IPP: variants seen among roughly 807,000 people sequenced by gnomAD.
IPP encodes actin-binding protein IPP.
In IPP, 41 loss-of-function variants were observed where a neutral mutation model predicts 64.1. The ratio of observed to expected loss-of-function variants is 0.64; its 90% confidence interval spans 0.50 to 0.83. The LOEUF is 0.83. Among genes scored for constraint, IPP ranks in the 40% least tolerant of loss-of-function variants. The probability of loss-of-function intolerance (pLI) is 0.00; values close to 1 mark genes in which losing one functional copy is unlikely to be tolerated. For missense variants in IPP, 649 were observed against 703.0 expected (o/e 0.92, Z 0.87); for synonymous variants, 214 against 235.2 (o/e 0.91, Z 0.83).
chr1:45,709,432 C>CAAAAATA (rs1305424184), intron 8 of IPP, among the ~76,000 whole-genome samples: 3 of 66,186 alleles, frequency 4.5e-5, no homozygotes, highest in Non-Finnish European at 7.7e-5. Context: ...GACTCCGTCT[C>CAAAAATA]AAAAAAAAAA....
chr1:45,746,501 T>A, intron 1 of IPP, 40 bp from the exon 2 acceptor site: 1 of 938,738 alleles, frequency 1.1e-6, no homozygotes, highest in Non-Finnish European at 1.6e-6. Context: ...AACAAAATTT[T>A]TTTAACATGC....
chr1:45,727,370 C>T (rs1412093359), intron 5 of IPP, among the ~76,000 whole-genome samples: 1 of 152,104 alleles, frequency 6.6e-6, no homozygotes, highest in African/African-American at 2.4e-5. Flanking sequence ...TAAAACCAAA[C>T]CTAAGTATTC....
At position 45,707,198 on chromosome 1, in the gene IPP, T is replaced by A. The variant is rs943922448; in HGVS notation, c.1531-7008A>T. 3.3e-5 allele frequency among the ~76,000 whole-genome samples: 5 copies of A among 151,962 alleles called. No homozygotes were observed. The East Asian group carries it at 9.7e-4, about 29-fold the overall frequency. ...CAGCACTTTCGGAGGCCGAGGCGGG[T>A]GGATCATGAGGTCAGGAGATCGAGA... On this transcript the variant is annotated intron_variant, in intron 8 of 8. Transcript: ENST00000396478.
chr1:45,739,051 T>C (rs896693981), intron 3 of IPP, among the ~76,000 whole-genome samples: 6 of 152,044 alleles, frequency 3.9e-5, no homozygotes, highest in Admixed American at 1.3e-4. Context: ...ATATCTGTAG[T>C]AAAACAAGAT....
intron 5 of IPP, among the ~76,000 whole-genome samples, chr1:45,725,049 C>A (rs1235583499): frequency 1.4e-5 from 2 of 138,678 alleles, no homozygotes; most frequent in African/African-American, 2.7e-5. Context: ...CCAGCCGCCC[C>A]GTCCGGGAGG....
intron 2 of IPP, among the ~76,000 whole-genome samples, chr1:45,743,730 G>A (rs1446668816): frequency 6.6e-6 from 1 of 151,740 alleles, no homozygotes; most frequent in Non-Finnish European, 1.5e-5. Flanking sequence ...AATAAAAGAG[G>A]CTGGGCACAG....
At chr1:45,696,231 G>T (rs1645386973), downstream of IPP, among the ~76,000 whole-genome samples, 1 of 152,148 alleles carries the variant, frequency 6.6e-6, no homozygotes. Flanking sequence ...TGATTTTTAA[G>T]TACATTTGAT....
chr1:45,724,662 C>A (rs1199451105), intron 5 of IPP, among the ~76,000 whole-genome samples: 1 of 132,120 alleles, frequency 7.6e-6, no homozygotes, highest in East Asian at 2.2e-4. Flanking sequence ...GCGCCTCTGC[C>A]GGGCCGCAAC....
At chr1:45,736,957 G>A (rs1010811657) in intron 3 of IPP, among the ~76,000 whole-genome samples, 3 of 151,140 alleles carry the variant, frequency 2.0e-5, no homozygotes, top group South Asian at 2.1e-4. Context: ...GCAGGAGAAC[G>A]GCATGAACCC....
At chr1:45,745,990 G>T in intron 2 of IPP, 130 bp downstream of exon 2, 1 of 727,654 alleles carries the variant, frequency 1.4e-6, no homozygotes, top group Non-Finnish European at 2.2e-6. Flanking sequence ...CATAAGATAT[G>T]AATTTTCAGT....
chr1:45,712,044 G>C (rs1480098138), intron 8 of IPP, among the ~76,000 whole-genome samples: 1 of 151,908 alleles, frequency 6.6e-6, no homozygotes, highest in East Asian at 1.9e-4. Context: ...GGCCAGGAGT[G>C]GTGGCTTACA....
intron 4 of IPP, among the ~76,000 whole-genome samples, chr1:45,728,167 TG>T (rs375183623): frequency 3.4e-4 from 51 of 149,910 alleles, no homozygotes; most frequent in African/African-American, 1.2e-3. Context: ...TGTGTGTGTG[TG>T]TGTGTTTGAG....
At chr1:45,732,379 AAC>A (rs1491544797) in intron 3 of IPP, among the ~76,000 whole-genome samples, 1 of 150,888 alleles carries the variant, frequency 6.6e-6, no homozygotes, top group East Asian at 1.9e-4. Flanking sequence ...AAAAAAAAAA[AAC>A]ACAAAAAACA....
At chr1:45,732,470 G>T (rs568211712) in intron 3 of IPP, among the ~76,000 whole-genome samples, 1 of 151,634 alleles carries the variant, frequency 6.6e-6, no homozygotes, top group South Asian at 2.1e-4. Flanking sequence ...TGAAATGACA[G>T]TATTGTAGAG....
At chr1:45,715,914 A>C (rs1390926967) in intron 7 of IPP, among the ~76,000 whole-genome samples, 1 of 152,202 alleles carries the variant, frequency 6.6e-6, no homozygotes, top group Non-Finnish European at 1.5e-5. Context: ...GCACTGCATA[A>C]TTTGCTAATG....
At chr1:45,696,626 C>T (rs1336202165), downstream of IPP, 1 of 152,044 alleles carries the variant, frequency 6.6e-6, no homozygotes, top group Non-Finnish European at 1.5e-5. Flanking sequence ...ACAAAAAATA[C>T]AAAATTAGCT....
intron 3 of IPP, among the ~76,000 whole-genome samples, chr1:45,740,283 T>C (rs889662561): frequency 3.9e-5 from 6 of 152,316 alleles, no homozygotes; most frequent in African/African-American, 1.4e-4. Flanking sequence ...TTCCCCCTTT[T>C]CTATTCCACA....
intron 1 of IPP, among the ~76,000 whole-genome samples, chr1:45,748,040 C>T (rs932661641): frequency 5.9e-5 from 9 of 151,908 alleles, no homozygotes; most frequent in Non-Finnish European, 1.2e-4. Context: ...GTCAAAATAA[C>T]AAGGCTGATT....
chr1:45,723,900 A>G (rs574323583), intron 5 of IPP, among the ~76,000 whole-genome samples: 1 of 152,132 alleles, frequency 6.6e-6, no homozygotes, highest in African/African-American at 2.4e-5. Flanking sequence ...CATGGCTCAC[A>G]TTTGTAATCC....
Sources: gnomAD v4.1 joint callset for allele counts (sites outside exome capture counted in the v4.1 genomes callset) on GRCh38, gnomAD v4.1.1 for gene constraint, MANE v1.5 for transcripts, NCBI Gene and HGNC (gene_info 2026-07-23, HGNC 2026-07-21) for gene names.